Variants in CSMD1 observed in about 807,000 individuals in gnomAD.
CSMD1 encodes the protein CUB and Sushi multiple domains 1.
A neutral mutation model predicts 417.5 loss-of-function variants in CSMD1; 213 were observed. The ratio of observed to expected loss-of-function variants is 0.51; its 90% CI spans 0.46 to 0.57. The LOEUF (loss-of-function observed/expected upper bound fraction) is 0.57, where lower values mean the gene tolerates loss of function less well. Among genes scored for constraint, CSMD1 ranks in the 20% least tolerant of loss-of-function variants. The probability of loss-of-function intolerance (pLI) is 0.00; values close to 1 mark genes in which losing one functional copy is unlikely to be tolerated. For missense variants in CSMD1, 6,923 were observed against 4,529.7 expected (o/e 1.53, Z -15.17); for synonymous variants, 2,862 against 1,736.8 (o/e 1.65, Z -16.11).
intron 7 of CSMD1, among the ~76,000 whole-genome samples, chr8:3,672,754 G>C (rs1184732775): frequency 6.6e-6 from 1 of 152,134 alleles, no homozygotes; most frequent in African/African-American, 2.4e-5. Flanking sequence ...CCAGGCAAAT[G>C]GAAGAAGGCT....
chr8:4,200,111 T>A (rs999741768), intron 3 of CSMD1, among the ~76,000 whole-genome samples: 1 of 152,216 alleles, frequency 6.6e-6, no homozygotes, highest in African/African-American at 2.4e-5. Flanking sequence ...TTTGAGATTA[T>A]AACAACTGAA....
intron 5 of CSMD1, among the ~76,000 whole-genome samples, chr8:3,924,625 T>C (rs1325134681): frequency 6.6e-6 from 1 of 152,208 alleles, no homozygotes; most frequent in Non-Finnish European, 1.5e-5. Flanking sequence ...TTCTATTTTC[T>C]GATTGGTTGA....
At chr8:4,190,113 GC>G (rs1798928665) in intron 3 of CSMD1, among the ~76,000 whole-genome samples, 1 of 151,798 alleles carries the variant, frequency 6.6e-6, no homozygotes. Context: ...CAAAAAATGA[GC>G]CGGGCGTGGT....
At chr8:4,164,491 A>T (rs1797343093) in intron 3 of CSMD1, among the ~76,000 whole-genome samples, 1 of 152,094 alleles carries the variant, frequency 6.6e-6, no homozygotes, top group South Asian at 2.1e-4. Context: ...ATCAAACGCA[A>T]TGCCAGCTAA....
intron 11 of CSMD1, among the ~76,000 whole-genome samples, chr8:3,491,612 G>C (rs1015059775): frequency 6.6e-6 from 1 of 152,186 alleles, no homozygotes; most frequent in African/African-American, 2.4e-5. Flanking sequence ...ACGAATGAAG[G>C]AGTCGTGTCC....
chr8:4,428,411 A>G (rs1203107851), intron 2 of CSMD1, among the ~76,000 whole-genome samples: 1 of 152,214 alleles, frequency 6.6e-6, no homozygotes, highest in Non-Finnish European at 1.5e-5. Context: ...TTCAATAGGA[A>G]TACCTAAATG....
intron 50 of CSMD1, among the ~76,000 whole-genome samples, chr8:3,051,068 C>T (rs1407427840): frequency 6.6e-6 from 1 of 152,100 alleles, no homozygotes; most frequent in Non-Finnish European, 1.5e-5. Context: ...AAATAGAATG[C>T]TCATTCAACC....
chr8:4,782,216 A>G (rs77905180), intron 1 of CSMD1, among the ~76,000 whole-genome samples: 1 of 152,294 alleles, frequency 6.6e-6, no homozygotes, highest in East Asian at 1.9e-4. Flanking sequence ...ACTCTGCTTA[A>G]TAATGTATAT....
chr8:3,604,638 G>C (rs1801522836), intron 8 of CSMD1, among the ~76,000 whole-genome samples: 1 of 152,118 alleles, frequency 6.6e-6, no homozygotes, highest in South Asian at 2.1e-4. Flanking sequence ...AGGAATCAAA[G>C]GAGCCAAAAA....
chr8:3,787,168 C>T (rs1325767301), intron 5 of CSMD1, among the ~76,000 whole-genome samples: 1 of 152,064 alleles, frequency 6.6e-6, no homozygotes, highest in Non-Finnish European at 1.5e-5. Context: ...AGGTAGCTTT[C>T]ACTTTCTAGA....
chr8:4,020,598 G>A (rs76286724), intron 4 of CSMD1, among the ~76,000 whole-genome samples: 1,791 of 152,222 alleles, frequency 0.012, 25 homozygotes, highest in East Asian at 0.058. Flanking sequence ...TTCTCTTATG[G>A]TAAGAGATCA....
intron 7 of CSMD1, among the ~76,000 whole-genome samples, chr8:3,687,512 T>A (rs889384586): frequency 2.6e-5 from 4 of 152,218 alleles, no homozygotes; most frequent in Non-Finnish European, 5.9e-5. Flanking sequence ...CATCTCAATT[T>A]TAATTTTCTC....
intron 1 of CSMD1, among the ~76,000 whole-genome samples, chr8:4,967,338 T>C (rs1318118406): frequency 6.6e-6 from 1 of 152,124 alleles, no homozygotes; most frequent in Non-Finnish European, 1.5e-5. Context: ...TTTTAAGATA[T>C]CCAAGTCTTC....
chr8:4,566,024 C>A (rs1224168629), intron 2 of CSMD1, among the ~76,000 whole-genome samples: 1 of 151,748 alleles, frequency 6.6e-6, no homozygotes, highest in Non-Finnish European at 1.5e-5. Context: ...TTACATATAA[C>A]TTTAGCGAAA....
At chr8:4,414,814 A>C (rs549404926) in intron 3 of CSMD1, among the ~76,000 whole-genome samples, 1 of 152,134 alleles carries the variant, frequency 6.6e-6, no homozygotes, top group Non-Finnish European at 1.5e-5. Context: ...AATTTTCCTT[A>C]GAGTTAGTTA....
chr8:3,052,398 C>T (rs774647134), intron 50 of CSMD1, 64 bp downstream of exon 50: 4 of 1,354,682 alleles, frequency 3.0e-6, no homozygotes, highest in Non-Finnish European at 4.0e-6. Flanking sequence ...ACCCGGACTT[C>T]TCCCGAAAGC....
chr8:4,527,275 A>C (rs1038151186), intron 2 of CSMD1, among the ~76,000 whole-genome samples: 4 of 152,182 alleles, frequency 2.6e-5, no homozygotes, highest in Admixed American at 6.5e-5. Context: ...TGTAGCATTT[A>C]TATGATCAGG....
intron 7 of CSMD1, among the ~76,000 whole-genome samples, chr8:3,707,771 T>A (rs1482955023): frequency 6.6e-6 from 1 of 152,192 alleles, no homozygotes; most frequent in Non-Finnish European, 1.5e-5. Flanking sequence ...AGAAGCACCA[T>A]GACCCAGTCC....
intron 38 of CSMD1, among the ~76,000 whole-genome samples, chr8:3,158,629 C>T (rs1283294178): frequency 6.6e-6 from 1 of 150,610 alleles, no homozygotes; most frequent in African/African-American, 2.4e-5. Context: ...CTGTTCCAGT[C>T]TTTCTCAATG....
Sources: gnomAD v4.1 joint callset for allele counts (sites outside exome capture counted in the v4.1 genomes callset) on GRCh38, gnomAD v4.1.1 for gene constraint, MANE v1.5 for transcripts, NCBI Gene and HGNC (gene_info 2026-07-23, HGNC 2026-07-21) for gene names.